GRM3: variants seen among roughly 807,000 people sequenced by gnomAD.
GRM3 encodes metabotropic glutamate receptor 3.
In GRM3, 26 loss-of-function variants were observed where a neutral mutation model predicts 70.5. That is an observed-to-expected ratio of 0.37 (90% confidence interval 0.27 to 0.51). The LOEUF (loss-of-function observed/expected upper bound fraction) is 0.51, where lower values mean the gene tolerates loss of function less well. Among genes scored for constraint, GRM3 ranks in the 20% least tolerant of loss-of-function variants. GRM3 has a pLI of 0.93. For missense variants in GRM3, 859 were observed against 1,123.8 expected, an observed-to-expected ratio of 0.76 and a Z score of 3.37; for synonymous variants, 443 against 434.9, an observed-to-expected ratio of 1.02 and a Z score of -0.23.
At chr7:86,686,110 C>T (rs7794681) in intron 1 of GRM3, among the ~76,000 whole-genome samples, 101,722 of 151,784 alleles carry the variant, frequency 0.67, 34,414 homozygotes, top group East Asian at 0.88. Context: ...ACCATTAAAC[C>T]CCTGGACAAA....
At chr7:86,798,620 C>T (rs1042092791) in intron 3 of GRM3, among the ~76,000 whole-genome samples, 1 of 152,164 alleles carries the variant, frequency 6.6e-6, no homozygotes, top group African/African-American at 2.4e-5. Flanking sequence ...TCAGATGAGA[C>T]TTTGACTGTG....
intron 3 of GRM3, among the ~76,000 whole-genome samples, chr7:86,795,679 C>T (rs974893642): frequency 1.3e-5 from 2 of 152,080 alleles, no homozygotes; most frequent in Non-Finnish European, 2.9e-5. Context: ...CATTGATGGG[C>T]ATTTGGGTTG....
intron 1 of GRM3, among the ~76,000 whole-genome samples, chr7:86,687,498 C>G (rs1333946631): frequency 6.6e-6 from 1 of 151,748 alleles, no homozygotes; most frequent in Non-Finnish European, 1.5e-5. Context: ...ATAATATTAT[C>G]AACCTAGAAT....
chr7:86,787,469 T>C (rs1797285960), intron 3 of GRM3, among the ~76,000 whole-genome samples: 2 of 152,282 alleles, frequency 1.3e-5, no homozygotes, highest in African/African-American at 2.4e-5. Context: ...TTTAGCAGAA[T>C]TGGCACCTCT....
At chr7:86,689,923 T>C (rs188967994) in intron 1 of GRM3, among the ~76,000 whole-genome samples, 1 of 152,314 alleles carries the variant, frequency 6.6e-6, no homozygotes, top group East Asian at 1.9e-4. Flanking sequence ...TTATGGACTA[T>C]GCCTTGCAAA....
chr7:86,731,551 T>C (rs570081740), intron 1 of GRM3, among the ~76,000 whole-genome samples: 12 of 152,350 alleles, frequency 7.9e-5, no homozygotes, highest in Non-Finnish European at 1.2e-4. Context: ...TTTGGTGTTA[T>C]ACAGATTTGC....
intron 1 of GRM3, among the ~76,000 whole-genome samples, chr7:86,715,253 G>A (rs79711973): frequency 0.011 from 1,726 of 152,068 alleles, 32 homozygotes; most frequent in African/African-American, 0.039. Context: ...TGGTTACCTT[G>A]GTTGCACTCA....
intron 1 of GRM3, among the ~76,000 whole-genome samples, chr7:86,665,193 GGTAAA>G (rs1793995461): frequency 6.6e-6 from 1 of 151,912 alleles, no homozygotes; most frequent in Non-Finnish European, 1.5e-5. Context: ...AAGAAAATGA[GGTAAA>G]GTAAATGAAC....
At chr7:86,715,858 A>T (rs1795301780) in intron 1 of GRM3, among the ~76,000 whole-genome samples, 1 of 152,016 alleles carries the variant, frequency 6.6e-6, no homozygotes, top group African/African-American at 2.4e-5. Context: ...TTAAACATAA[A>T]AGGCCTGGAA....
In GRM3 at chr7:86,843,108, G is replaced by A. The variant is rs149169183; in HGVS notation, c.2391+3203G>A. ...TAAGTTTGTTTTGTTTTGGTTATTT[G>A]CTTGGGCAAAAAAGTGACATGATGA... is the stretch of plus-strand genomic sequence containing the variant. On this transcript the variant is annotated intron_variant, in intron 4 of 5. Transcript: ENST00000361669. 5.2e-3 allele frequency among the ~76,000 whole-genome samples: 793 copies of A among 152,164 alleles called. 6 individuals are homozygous for A. The highest frequency in any genetic ancestry group is 0.018 in the African/African-American group (752 of 41,514).
intron 3 of GRM3, among the ~76,000 whole-genome samples, chr7:86,796,944 G>GTGAA (rs1797565076): frequency 6.6e-6 from 1 of 152,188 alleles, no homozygotes; most frequent in Admixed American, 6.5e-5. Flanking sequence ...CAGATCCCCT[G>GTGAA]TGAATGTTCT....
At chr7:86,748,003 C>T (rs1484160012) in intron 1 of GRM3, among the ~76,000 whole-genome samples, 4 of 152,054 alleles carry the variant, frequency 2.6e-5, no homozygotes, top group African/African-American at 9.7e-5. Flanking sequence ...TCCTGTCTCC[C>T]TGTGGTTAAC....
intron 2 of GRM3, among the ~76,000 whole-genome samples, chr7:86,770,296 A>G (rs1796705039): frequency 6.6e-6 from 1 of 152,130 alleles, no homozygotes; most frequent in Non-Finnish European, 1.5e-5. Context: ...GGCATGTAAA[A>G]GTTAAGCTCA....
At chr7:86,860,067 A>AC (rs1022664007) in intron 5 of GRM3, among the ~76,000 whole-genome samples, 6 of 152,158 alleles carry the variant, frequency 3.9e-5, no homozygotes, top group Non-Finnish European at 7.4e-5. Context: ...GTTACTATTT[A>AC]CCCCAAGTCC....
intron 5 of GRM3, among the ~76,000 whole-genome samples, chr7:86,855,500 A>G (rs1362267977): frequency 6.6e-6 from 1 of 152,174 alleles, no homozygotes; most frequent in Non-Finnish European, 1.5e-5. Context: ...CGACTACCCA[A>G]TGATGCCCAG....
intron 2 of GRM3, among the ~76,000 whole-genome samples, chr7:86,766,691 A>G (rs1251082018): frequency 6.6e-6 from 1 of 152,108 alleles, no homozygotes; most frequent in African/African-American, 2.4e-5. Flanking sequence ...TGTTACTTTA[A>G]GTTTAGTATT....
At chr7:86,711,884 T>C (rs1006784549) in intron 1 of GRM3, among the ~76,000 whole-genome samples, 11 of 152,072 alleles carry the variant, frequency 7.2e-5, no homozygotes, top group African/African-American at 2.4e-4. Context: ...TTAGGGTACA[T>C]ATACTTTAAA....
chr7:86,827,298 G>A (rs1798253661), intron 3 of GRM3, among the ~76,000 whole-genome samples: 1 of 152,088 alleles, frequency 6.6e-6, no homozygotes, highest in Non-Finnish European at 1.5e-5. Context: ...GAAAGTCTTA[G>A]CCATAAAGTA....
intron 1 of GRM3, among the ~76,000 whole-genome samples, chr7:86,668,506 C>T (rs1409995384): frequency 6.6e-6 from 1 of 152,120 alleles, no homozygotes; most frequent in Non-Finnish European, 1.5e-5. Flanking sequence ...GCTTTTCTCT[C>T]ACATGCTAAT....
Sources: allele counts gnomAD v4.1 joint callset (sites outside exome capture counted in the v4.1 genomes callset), GRCh38; gene constraint gnomAD v4.1.1; transcripts MANE v1.5; gene names NCBI Gene and HGNC (gene_info 2026-07-23, HGNC 2026-07-21).